VPS37B: variants seen among roughly 807,000 people sequenced by gnomAD.
VPS37B encodes vacuolar protein sorting-associated protein 37B.
A neutral mutation model predicts 21.2 loss-of-function variants in VPS37B; 11 were observed. That is an observed-to-expected ratio of 0.52 (90% CI 0.33 to 0.86). The LOEUF (loss-of-function observed/expected upper bound fraction) is 0.86, where lower values mean the gene tolerates loss of function less well. Among genes scored for constraint, VPS37B ranks in the 40% least tolerant of loss-of-function variants. VPS37B has a pLI of 0.03. For missense variants in VPS37B, 389 were observed against 374.8 expected (o/e 1.04, Z -0.31); for synonymous variants, 175 against 159.6 (o/e 1.10, Z -0.73).
At chr12:122,895,772 T>C (rs2034482977) in intron 1 of VPS37B, among the ~76,000 whole-genome samples, 180 bp downstream of exon 1, 2 of 146,668 alleles carry the variant, frequency 1.4e-5, no homozygotes. Context: ...CCCCTATTCC[T>C]GCCTAAGCAC....
Position 122,866,806 on chromosome 12 carries a change from G to C in VPS37B, c.*310C>G, listed in dbSNP as rs1054134165. ...AACAGAAGGACCACGATTCTAAATG[G>C]GACTGGGGGAGAGGCCTATTTCTTC... On this transcript the variant is annotated 3_prime_UTR_variant, in exon 4 of 4. Transcript: ENST00000267202. The C allele has an allele frequency of 5.4e-5, 18 of 331,034 alleles. No homozygotes were observed. The highest frequency in any genetic ancestry group is 3.2e-4 in the African/African-American group (15 of 47,124). The allele number at this position is 331,034 out of a possible 1,614,324, so 20.5% of individuals were successfully genotyped here.
intron 1 of VPS37B, among the ~76,000 whole-genome samples, chr12:122,894,671 C>G (rs559885198): frequency 6.6e-4 from 100 of 152,270 alleles, no homozygotes; most frequent in African/African-American, 2.3e-3. Context: ...AGAACCAGAC[C>G]CAAAAGATCA....
At chr12:122,895,923 G>A in intron 1 of VPS37B, 29 bp downstream of exon 1, 1 of 1,602,860 alleles carries the variant, frequency 6.2e-7, no homozygotes, top group Non-Finnish European at 8.5e-7. Flanking sequence ...AGGCCTCACA[G>A]CCGCCGCCTT....
Position 122,867,344 on chromosome 12 carries a change from TGGG to T in VPS37B, c.627_629del (p.Pro213del). 2.3e-6 allele frequency: 1 copy of T among 430,436 alleles called. No individual in the cohort carries two copies. Among genetic ancestry groups the T allele is most frequent in the Non-Finnish European group, 3.9e-6 (1 of 253,584 alleles). 26.7% of individuals were successfully genotyped at this position (430,436 alleles called of 1,614,324 possible). On this transcript the variant is annotated inframe_deletion, in exon 4 of 4. Coordinates refer to ENST00000267202, the MANE Select transcript of VPS37B (RefSeq NM_024667.3). The surrounding 1 kb of genome is among the most constrained non-coding windows in gnomAD (Gnocchi z 5.5). ...AGCGTCCCGCAGGCACCGGGGGTGG[TGGG>T]GGGGGGATGCGCCGAGGTGCAACGG...
At chr12:122,871,869 G>A (rs1465238381) in intron 1 of VPS37B, 22 of 985,160 alleles carry the variant, frequency 2.2e-5, no homozygotes, top group Admixed American at 6.1e-5. Context: ...ACACAAACGC[G>A]TGGGTACCCT....
chr12:122,866,832 C>T lies in VPS37B; in HGVS notation c.*284G>A. On this transcript the variant is annotated 3_prime_UTR_variant, in exon 4 of 4. Transcript: ENST00000267202. ...GACTGGGGGAGAGGCCTATTTCTTC[C>T]CAAACATGAGTTCATCAACGCTAAG... 2.7e-6 allele frequency: 1 copy of T among 369,418 alleles called. No homozygotes were observed. The highest frequency in any genetic ancestry group is 4.8e-6 in the Non-Finnish European group (1 of 207,294). The allele number at this position is 369,418 out of a possible 1,614,324, so 22.9% of individuals were successfully genotyped here. A position where few individuals can be genotyped will look rare whatever the true frequency, so the allele number is the denominator to read the frequency against.
At chr12:122,869,192 C>T (rs748557044) in intron 2 of VPS37B, among the ~76,000 whole-genome samples, 5 of 152,344 alleles carry the variant, frequency 3.3e-5, no homozygotes, top group South Asian at 2.1e-4. Flanking sequence ...ACTCTGTAGA[C>T]GGACATTTTT....
chr12:122,877,565 A>T (rs1462976584), intron 1 of VPS37B: 1 of 152,216 alleles, frequency 6.6e-6, no homozygotes, highest in East Asian at 1.9e-4. Context: ...GCATCTTGTT[A>T]AACAAGCATT....
At chr12:122,877,146 A>G (rs558764894) in intron 1 of VPS37B, 6 of 152,332 alleles carry the variant, frequency 3.9e-5, no homozygotes, top group Admixed American at 3.9e-4. Flanking sequence ...CTGTAATATA[A>G]TACTTACAAC....
At chr12:122,872,750 C>A in intron 1 of VPS37B, 1 of 946,832 alleles carries the variant, frequency 1.1e-6, no homozygotes. Flanking sequence ...ACGTAACTAC[C>A]CTATGACCCA....
Position 122,867,031 on chromosome 12 carries a change from C to G in VPS37B, c.*85G>C. ...GCCCAGGGCCCCAGAGCCCTTGGCACAGAGCGGACCTCCAGCCTCCTTCCC... is the reference window on the plus strand; with the variant it reads ...GCCCAGGGCCCCAGAGCCCTTGGCAGAGAGCGGACCTCCAGCCTCCTTCCC... On this transcript the variant is annotated 3_prime_UTR_variant, in exon 4 of 4. Transcript: ENST00000267202. This position sits in a 1 kb window ranked among gnomAD's most constrained non-coding sequence, Gnocchi z 5.5. 2 of 1,426,388 alleles carry G rather than the reference C, an allele frequency of 1.4e-6. No homozygotes were observed. Among genetic ancestry groups the G allele is most frequent in the Non-Finnish European group, 9.2e-7 (1 of 1,088,142 alleles). 88.4% of individuals were successfully genotyped at this position (1,426,388 alleles called of 1,614,324 possible). A position where few individuals can be genotyped will look rare whatever the true frequency, so the allele number is the denominator to read the frequency against.
intron 1 of VPS37B, chr12:122,872,498 T>G (rs1431750637): frequency 1.0e-6 from 1 of 985,328 alleles, no homozygotes; most frequent in Non-Finnish European, 1.2e-6. Flanking sequence ...TTTCATCTCT[T>G]CTGATGCCTT....
chr12:122,890,651 T>A (rs1156452109), intron 1 of VPS37B, among the ~76,000 whole-genome samples: 1 of 152,052 alleles, frequency 6.6e-6, no homozygotes, highest in African/African-American at 2.4e-5. Flanking sequence ...ATTCTCTTTT[T>A]CAAAAAACTG....
chr12:122,872,030 C>T (rs1410354491), intron 1 of VPS37B: 1 of 985,272 alleles, frequency 1.0e-6, no homozygotes, highest in Non-Finnish European at 1.2e-6. Flanking sequence ...TTCTTCAACG[C>T]CACCCCAGTC....
chr12:122,892,665 C>T (rs1057322535), intron 1 of VPS37B, among the ~76,000 whole-genome samples: 1 of 152,224 alleles, frequency 6.6e-6, no homozygotes, highest in African/African-American at 2.4e-5. Flanking sequence ...TGCCTGTAAT[C>T]CCAGCACTTT....
chr12:122,893,893 G>C (rs1349897776), intron 1 of VPS37B, among the ~76,000 whole-genome samples: 1 of 151,068 alleles, frequency 6.6e-6, no homozygotes, highest in African/African-American at 2.4e-5. Context: ...TAATCTTCAG[G>C]TTCTGAGGTA....
At chr12:122,872,279 T>A in intron 1 of VPS37B, 1 of 985,418 alleles carries the variant, frequency 1.0e-6, no homozygotes, top group Non-Finnish European at 1.2e-6. Flanking sequence ...CTTGGATCCA[T>A]GCCTCAATCA....
Position 122,867,262 on chromosome 12 carries a change from A to T in VPS37B, c.712T>A (p.Leu238Ile), listed in dbSNP as rs750978912. 2 of 1,557,958 alleles carry T rather than the reference A, an allele frequency of 1.3e-6. No homozygotes were observed. The highest frequency in any genetic ancestry group is 4.6e-5 in the East Asian group (2 of 43,406). ...CGGGGGGGCAGGGGCGGGCACTGTA[A>T]TCCTGGGTACGGCACGGCCTGTCCC... The part of the protein sequence containing the change: ...SSGQAVPYPG[L>I]QCPPLPPRVG... Residue 238 changes from leucine (L) to isoleucine (I), a missense_variant, in exon 4 of 4, where the codon TTA (leucine) becomes ATA (isoleucine). Transcript: ENST00000267202. The surrounding 1 kb of genome is among the most constrained non-coding windows in gnomAD (Gnocchi z 5.5).
intron 2 of VPS37B, among the ~76,000 whole-genome samples, chr12:122,869,013 C>T (rs867180431): frequency 6.6e-6 from 1 of 152,184 alleles, no homozygotes; most frequent in Non-Finnish European, 1.5e-5. Flanking sequence ...AGAGGAGGTC[C>T]GCCTGGTCTT....
Sources: allele counts gnomAD v4.1 joint callset (sites outside exome capture counted in the v4.1 genomes callset), GRCh38; gene constraint gnomAD v4.1.1; non-coding constraint Gnocchi (gnomAD v3.1); transcripts MANE v1.5; gene names NCBI Gene and HGNC (gene_info 2026-07-23, HGNC 2026-07-21).